The following NFIC variants were observed in gnomAD, a reference collection of about 807,000 sequenced individuals.
The protein encoded by NFIC is nuclear factor I C.
NFIC carries 12 observed loss-of-function variants against 54.4 expected under a neutral mutation model. That is an observed-to-expected ratio of 0.22 (90% confidence interval 0.14 to 0.36). The LOEUF is 0.36. Among genes scored for constraint, NFIC ranks in the 10% least tolerant of loss-of-function variants. NFIC has a pLI of 1.00. For missense variants in NFIC, 575 were observed against 718.2 expected, an observed-to-expected ratio of 0.80 and a Z score of 2.28; for synonymous variants, 322 against 319.2, an observed-to-expected ratio of 1.01 and a Z score of -0.09.
chr19:3,402,130 C>T (rs2081568591), intron 2 of NFIC, among the ~76,000 whole-genome samples: 1 of 152,222 alleles, frequency 6.6e-6, no homozygotes, highest in African/African-American at 2.4e-5. Context: ...ACTGCAACCT[C>T]CGCCTCCAGG....
intron 2 of NFIC, among the ~76,000 whole-genome samples, chr19:3,385,487 C>T (rs2081280630): frequency 6.6e-6 from 1 of 151,614 alleles, no homozygotes; most frequent in Non-Finnish European, 1.5e-5. Context: ...TGGTGGTTAT[C>T]GTTACTAACA....
intron 10 of NFIC, among the ~76,000 whole-genome samples, chr19:3,460,847 A>G (rs1327186874): frequency 6.6e-6 from 1 of 150,632 alleles, no homozygotes; most frequent in Non-Finnish European, 1.5e-5. Context: ...TCTCAAGGCC[A>G]TGTGCAGTGG....
chr19:3,452,723 G>C lies in NFIC; in HGVS notation c.1269+57G>C. ...CTGGCGGCTCCAGGTGACCTCCCGGGGGCCACGTGCTCACACGAAGGCACA... is the reference window on the plus strand; with the variant it reads ...CTGGCGGCTCCAGGTGACCTCCCGGCGGCCACGTGCTCACACGAAGGCACA... On this transcript the variant is annotated intron_variant, in intron 8 of 10. Transcript: ENST00000443272. This position sits in a 1 kb window ranked among gnomAD's most constrained non-coding sequence, Gnocchi z 5.3. The C allele has an allele frequency of 6.5e-7, 1 of 1,529,728 alleles. No homozygotes were observed. The highest frequency in any genetic ancestry group is 8.8e-7 in the Non-Finnish European group (1 of 1,142,336). The allele number at this position is 1,529,728 out of a possible 1,614,324, so 94.8% of individuals were successfully genotyped here.
At chr19:3,432,215 C>G (rs1386441797) in intron 3 of NFIC, among the ~76,000 whole-genome samples, 1 of 152,138 alleles carries the variant, frequency 6.6e-6, no homozygotes. Context: ...TGAAATGGGT[C>G]CAAACCACTC....
At chr19:3,398,445 C>T (rs1367640989) in intron 2 of NFIC, among the ~76,000 whole-genome samples, 1 of 152,162 alleles carries the variant, frequency 6.6e-6, no homozygotes, top group Non-Finnish European at 1.5e-5. Context: ...CCTCCCTCTG[C>T]TCAGGGTTGT....
At chr19:3,451,464 C>G (rs1045437625) in intron 7 of NFIC, among the ~76,000 whole-genome samples, 1 of 151,938 alleles carries the variant, frequency 6.6e-6, no homozygotes, top group Admixed American at 6.6e-5. Flanking sequence ...GAAACCCCAT[C>G]TCTACTAAAA....
chr19:3,462,602 G>A, intron 10 of NFIC, 150 bp from the exon 11 acceptor site: 1 of 876,508 alleles, frequency 1.1e-6, no homozygotes, highest in South Asian at 1.5e-5. Context: ...CAGGTTGTTA[G>A]AGCCTGGGAT....
intron 1 of NFIC, among the ~76,000 whole-genome samples, chr19:3,377,333 CAAAAAAA>C (rs71164684): frequency 4.1e-4 from 24 of 57,864 alleles, no homozygotes; most frequent in Non-Finnish European, 6.5e-4. Context: ...GACTCTGTCT[CAAAAAAA>C]AAAAAAAAAA....
At chr19:3,447,489 CA>C (rs947974197) in intron 6 of NFIC, among the ~76,000 whole-genome samples, 2 of 152,128 alleles carry the variant, frequency 1.3e-5, no homozygotes, top group Non-Finnish European at 2.9e-5. Flanking sequence ...CCCCAAATAG[CA>C]GCAGCAGCGG....
rs1405083823 is a variant in NFIC at position 3,375,033 on chromosome 19, G to A, written c.31-6679G>A. On this transcript the variant is annotated intron_variant, in intron 1 of 10. Transcript: ENST00000443272. The surrounding 1 kb of genome is among the most constrained non-coding windows in gnomAD (Gnocchi z 4.6). ...GAAGGGGAGGAACATAGAGAAGGGA[G>A]GGACAGTTAGGGAGGAGGAAGGGAA... is the stretch of plus-strand genomic sequence containing the variant. Among the ~76,000 whole-genome samples the A allele has an allele frequency of 1.3e-5, 2 of 152,030 alleles. No homozygotes were observed. The highest frequency in any genetic ancestry group is 2.4e-5 in the African/African-American group (1 of 41,452).
rs533904202 is a variant in NFIC at position 3,415,419 on chromosome 19, G to A, written c.563-9687G>A. On this transcript the variant is annotated intron_variant, in intron 2 of 10. Coordinates refer to ENST00000443272, the MANE Select transcript of NFIC (RefSeq NM_001245002.2). ...TACAGGTGTGAGCTCTACTGCGCCC[G>A]GCCAAGTGCTTGGTTCTTTCTCGAC... Among the ~76,000 whole-genome samples, 7 of 150,948 alleles carry A rather than the reference G, an allele frequency of 4.6e-5. 1 individual carries two copies. Among genetic ancestry groups the A allele is most frequent in the African/African-American group, 1.5e-4 (6 of 41,038 alleles).
intron 7 of NFIC, among the ~76,000 whole-genome samples, chr19:3,449,497 C>A (rs1458353198): frequency 6.6e-6 from 1 of 152,176 alleles, no homozygotes; most frequent in Non-Finnish European, 1.5e-5. Context: ...CAGTGGCTCA[C>A]ACCTGTAATC....
At chr19:3,446,382 A>T (rs919778707) in intron 6 of NFIC, among the ~76,000 whole-genome samples, 2 of 150,516 alleles carry the variant, frequency 1.3e-5, no homozygotes, top group Non-Finnish European at 3.0e-5. Flanking sequence ...TGTGGTTGTT[A>T]CAACCGGGGG....
intron 2 of NFIC, among the ~76,000 whole-genome samples, chr19:3,383,679 G>T (rs368572732): frequency 6.6e-6 from 1 of 152,180 alleles, no homozygotes; most frequent in Admixed American, 6.5e-5. Flanking sequence ...TGGAGCACGC[G>T]TGAACCCCCA....
At position 3,370,515 on chromosome 19, in the gene NFIC, T is replaced by C. The variant is rs545925611; in HGVS notation, c.30+3849T>C. ...TCTCTCTCTCTCTGTCTCCCTCCCT[T>C]TCTCCCCCCATCTCGCTCTCTCCTC... On this transcript the variant is annotated intron_variant, in intron 1 of 10. Coordinates refer to ENST00000443272, the MANE Select transcript of NFIC (RefSeq NM_001245002.2). This position sits in a 1 kb window ranked among gnomAD's most constrained non-coding sequence, Gnocchi z 5.2. Among the ~76,000 whole-genome samples, 48 of 139,728 alleles carry C rather than the reference T, an allele frequency of 3.4e-4. No homozygotes were observed. Among genetic ancestry groups the C allele is most frequent in the African/African-American group, 1.2e-3 (45 of 37,870 alleles). 91.7% of individuals were successfully genotyped at this position (139,728 alleles called of 152,430 possible). A position where few individuals can be genotyped will look rare whatever the true frequency, so the allele number is the denominator to read the frequency against.
intron 10 of NFIC, among the ~76,000 whole-genome samples, chr19:3,462,069 A>G (rs2082648919): frequency 6.7e-6 from 1 of 149,650 alleles, no homozygotes; most frequent in Non-Finnish European, 1.5e-5. Context: ...TAAATAAATA[A>G]TATAATATAA....
At chr19:3,384,052 T>G (rs2081254090) in intron 2 of NFIC, among the ~76,000 whole-genome samples, 1 of 99,808 alleles carries the variant, frequency 1.0e-5, no homozygotes, top group African/African-American at 3.3e-5. Flanking sequence ...ACCCAGTGTT[T>G]TTTTTTTTTT....
intron 2 of NFIC, among the ~76,000 whole-genome samples, chr19:3,422,224 A>G (rs2081963583): frequency 6.6e-6 from 1 of 151,878 alleles, no homozygotes; most frequent in Non-Finnish European, 1.5e-5. Flanking sequence ...GGAGTGAGCC[A>G]CTGCACCTGG....
At chr19:3,383,272 G>T (rs895174026) in intron 2 of NFIC, among the ~76,000 whole-genome samples, 1 of 152,128 alleles carries the variant, frequency 6.6e-6, no homozygotes, top group Non-Finnish European at 1.5e-5. Flanking sequence ...AATGCCTGAT[G>T]TTGAGACCAG....
Sources: allele counts gnomAD v4.1 joint callset (sites outside exome capture counted in the v4.1 genomes callset), GRCh38; gene constraint gnomAD v4.1.1; non-coding constraint Gnocchi (gnomAD v3.1); transcripts MANE v1.5; gene names NCBI Gene and HGNC (gene_info 2026-07-23, HGNC 2026-07-21).